KAZN: variants seen among roughly 807,000 people sequenced by gnomAD.
KAZN encodes the protein kazrin.
A neutral mutation model predicts 87.4 loss-of-function variants in KAZN; 40 were observed. The ratio of observed to expected loss-of-function variants is 0.46; its 90% CI spans 0.36 to 0.60. The LOEUF (loss-of-function observed/expected upper bound fraction) is 0.60, where lower values mean the gene tolerates loss of function less well. KAZN is among the 20% of genes least tolerant of loss of function. The pLI is 0.00. For missense variants in KAZN, 898 were observed against 1,073.9 expected (o/e 0.84, Z 2.29); for synonymous variants, 466 against 458.3 (o/e 1.02, Z -0.22).
chr1:15,022,499 C>T (rs919847654), intron 2 of KAZN, among the ~76,000 whole-genome samples: 1 of 152,220 alleles, frequency 6.6e-6, no homozygotes, highest in Admixed American at 6.5e-5. Context: ...GGCTGAGAGT[C>T]CAGGCCTCTG....
At chr1:14,839,218 G>A (rs1037468998) in intron 1 of KAZN, among the ~76,000 whole-genome samples, 14 of 152,130 alleles carry the variant, frequency 9.2e-5, no homozygotes, top group Admixed American at 9.2e-4. Context: ...GATTAAGACT[G>A]CAGTCTCCGG....
intron 1 of KAZN, among the ~76,000 whole-genome samples, chr1:14,805,798 T>TAAA (rs1019149650): frequency 2.6e-5 from 3 of 117,592 alleles, no homozygotes; most frequent in African/African-American, 1.2e-4. Context: ...ATAATAATAA[T>TAAA]AATAATAAAT....
chr1:14,952,520 A>T (rs369201374), intron 1 of KAZN, among the ~76,000 whole-genome samples: 1 of 152,216 alleles, frequency 6.6e-6, no homozygotes, highest in East Asian at 1.9e-4. Context: ...TATAATTCAC[A>T]TACAGTGAAA....
intron 2 of KAZN, among the ~76,000 whole-genome samples, chr1:14,571,032 C>T (rs528746106): frequency 2.8e-4 from 42 of 152,270 alleles, no homozygotes; most frequent in Non-Finnish European, 5.1e-4. Flanking sequence ...TATATAGGAA[C>T]GACTTTTCCA....
At chr1:14,822,224 G>A (rs1646754953) in intron 1 of KAZN, among the ~76,000 whole-genome samples, 2 of 152,190 alleles carry the variant, frequency 1.3e-5, no homozygotes. Context: ...GAGGTGAGGT[G>A]CCAGGCCGAG....
At chr1:14,727,021 A>C (rs1266500921) in intron 1 of KAZN, among the ~76,000 whole-genome samples, 1 of 152,164 alleles carries the variant, frequency 6.6e-6, no homozygotes, top group Non-Finnish European at 1.5e-5. Flanking sequence ...TACTGCTTGC[A>C]CTTTGACAAG....
intron 1 of KAZN, chr1:14,929,968 A>T: frequency 1.0e-6 from 1 of 985,476 alleles, no homozygotes; most frequent in Non-Finnish European, 1.2e-6. Context: ...CAGAGCCCTC[A>T]TCAGATGGCA....
chr1:13,923,520 C>G (rs376471117), intron 1 of KAZN, among the ~76,000 whole-genome samples: 6 of 146,576 alleles, frequency 4.1e-5, no homozygotes, highest in Non-Finnish European at 8.9e-5. Flanking sequence ...TTGCAGTGAG[C>G]CGAGATCGCG....
At chr1:13,983,260 G>T (rs181789188) in intron 1 of KAZN, among the ~76,000 whole-genome samples, 22 of 152,368 alleles carry the variant, frequency 1.4e-4, no homozygotes, top group Admixed American at 1.4e-3. Context: ...CCCACGGAGG[G>T]GTTGGGAGGC....
At chr1:14,803,679 C>G (rs1646113170) in intron 1 of KAZN, among the ~76,000 whole-genome samples, 1 of 152,228 alleles carries the variant, frequency 6.6e-6, no homozygotes, top group Non-Finnish European at 1.5e-5. Flanking sequence ...GGGAGTCACT[C>G]CAGTGCTTTA....
At chr1:14,782,831 C>T (rs1645397911) in intron 1 of KAZN, among the ~76,000 whole-genome samples, 2 of 152,226 alleles carry the variant, frequency 1.3e-5, no homozygotes, top group South Asian at 4.1e-4. Context: ...GGCATCCCCC[C>T]AACCTCGCTG....
intron 2 of KAZN, among the ~76,000 whole-genome samples, chr1:14,995,945 A>G (rs1667818631): frequency 6.6e-6 from 1 of 151,964 alleles, no homozygotes; most frequent in Non-Finnish European, 1.5e-5. Flanking sequence ...TGGATTTCCA[A>G]CTTGTCCTGG....
intron 1 of KAZN, among the ~76,000 whole-genome samples, chr1:14,600,666 C>CAAAAAAA (rs59840012): frequency 2.5e-5 from 3 of 118,496 alleles, no homozygotes; most frequent in Middle Eastern, 4.6e-3. Flanking sequence ...GGAACCTGTG[C>CAAAAAAA]AAAAAAAAAA....
At chr1:13,922,435 A>G (rs1005240345) in intron 1 of KAZN, among the ~76,000 whole-genome samples, 1 of 152,084 alleles carries the variant, frequency 6.6e-6, no homozygotes, top group Non-Finnish European at 1.5e-5. Context: ...CCTATTGGAA[A>G]TCCCTTGGAA....
intron 10 of KAZN, among the ~76,000 whole-genome samples, chr1:15,095,472 C>T (rs182093177): frequency 4.5e-4 from 68 of 152,208 alleles, no homozygotes; most frequent in South Asian, 1.7e-3. Context: ...GGTGTACCCC[C>T]GCAGGCCACC....
intron 1 of KAZN, among the ~76,000 whole-genome samples, chr1:13,933,748 A>G (rs1640619665): frequency 1.3e-5 from 2 of 152,216 alleles, no homozygotes; most frequent in Non-Finnish European, 2.9e-5. Flanking sequence ...GGCACTGGTC[A>G]TGAAGGCATT....
chr1:14,776,505 T>C (rs1645178827), intron 1 of KAZN, among the ~76,000 whole-genome samples: 1 of 152,182 alleles, frequency 6.6e-6, no homozygotes, highest in Non-Finnish European at 1.5e-5. Flanking sequence ...CTCCTTCAAA[T>C]ACCTCTTCTT....
chr1:14,058,995 C>T (rs957404474), intron 1 of KAZN, among the ~76,000 whole-genome samples: 12 of 152,120 alleles, frequency 7.9e-5, no homozygotes, highest in East Asian at 1.9e-4. Context: ...CCTCAGAGGA[C>T]GGCTTTGTGA....
At chr1:14,704,539 T>C (rs2148811209) in intron 1 of KAZN, among the ~76,000 whole-genome samples, 1 of 152,336 alleles carries the variant, frequency 6.6e-6, no homozygotes, top group East Asian at 1.9e-4. Flanking sequence ...GGTGTGGACC[T>C]TGGCTCTCAG....
Sources: allele counts gnomAD v4.1 joint callset (sites outside exome capture counted in the v4.1 genomes callset), GRCh38; gene constraint gnomAD v4.1.1; transcripts MANE v1.5; gene names NCBI Gene and HGNC (gene_info 2026-07-23, HGNC 2026-07-21).